VAV2: variants seen among roughly 807,000 people sequenced by gnomAD.
The protein encoded by VAV2 is vav guanine nucleotide exchange factor 2.
Under a neutral mutation model 132.5 loss-of-function variants are expected in VAV2, and 67 were observed. That is an observed-to-expected ratio of 0.51 (90% CI 0.42 to 0.62). The LOEUF (loss-of-function observed/expected upper bound fraction) is 0.62, where lower values mean the gene tolerates loss of function less well. Among genes scored for constraint, VAV2 ranks in the 20% least tolerant of loss-of-function variants. The probability of loss-of-function intolerance (pLI) is 0.00; values close to 1 mark genes in which losing one functional copy is unlikely to be tolerated. For synonymous variants in VAV2, 492 were observed against 443.5 expected (o/e 1.11, Z -1.37); for missense variants, 938 against 1,153.6 (o/e 0.81, Z 2.71).
chr9:133,806,307 C>T lies in VAV2; in HGVS notation c.736-126G>A, dbSNP rs571491101. On this transcript the variant is annotated intron_variant, in intron 8 of 29. Coordinates refer to ENST00000371850, the MANE Select transcript of VAV2 (RefSeq NM_001134398.2). ...GAGGGGAGGGGCCCGGGTGCTGGGC[C>T]TGCACCCCACATCTCTGTGCATGCC... The T allele has an allele frequency of 3.6e-5, 28 of 775,920 alleles. 1 individual carries two copies. The African/African-American group carries it at 4.7e-4, about 13-fold the overall frequency. The allele number at this position is 775,920 out of a possible 1,614,324, so 48.1% of individuals were successfully genotyped here. A position where few individuals can be genotyped will look rare whatever the true frequency, so the allele number is the denominator to read the frequency against.
chr9:133,834,578 C>T lies in VAV2; in HGVS notation c.381-238G>A, dbSNP rs1242748897. Among the ~76,000 whole-genome samples, 3 of 152,372 alleles carry T rather than the reference C, an allele frequency of 2.0e-5. No individual in the cohort carries two copies. Among genetic ancestry groups the T allele is most frequent in the Middle Eastern group, 3.4e-3 (1 of 294 alleles). On this transcript the variant is annotated intron_variant, in intron 3 of 29. Transcript: ENST00000371850. The surrounding 1 kb of genome is among the most constrained non-coding windows in gnomAD (Gnocchi z 5.9). ...TTGCCAGGGGGCAAGGAATGTGTCA[C>T]GCCCACTCCGGGCTCCGGGTGTCCA...
intron 25 of VAV2, among the ~76,000 whole-genome samples, 155 bp downstream of exon 25, chr9:133,774,780 C>T (rs1335667722): frequency 6.6e-6 from 1 of 152,190 alleles, no homozygotes; most frequent in Non-Finnish European, 1.5e-5. Context: ...CCCCCTGACC[C>T]CTCAGCACCG....
At chr9:133,990,281 C>T (rs1842975043) in intron 1 of VAV2, among the ~76,000 whole-genome samples, 1 of 152,122 alleles carries the variant, frequency 6.6e-6, no homozygotes, top group Non-Finnish European at 1.5e-5. Context: ...GACACCCGTC[C>T]ACCCCCCAGC....
chr9:133,836,163 G>A (rs747132399), intron 3 of VAV2, among the ~76,000 whole-genome samples: 1 of 152,188 alleles, frequency 6.6e-6, no homozygotes, highest in East Asian at 1.9e-4. Context: ...CACAGATCCC[G>A]CCCAGGTGAT....
chr9:133,843,099 G>A (rs780869691), intron 3 of VAV2, among the ~76,000 whole-genome samples: 1 of 152,186 alleles, frequency 6.6e-6, no homozygotes, highest in Non-Finnish European at 1.5e-5. Flanking sequence ...AGCCCAGCAG[G>A]GCTATCACAA....
At chr9:133,986,030 G>A (rs775414193) in intron 1 of VAV2, among the ~76,000 whole-genome samples, 2 of 152,140 alleles carry the variant, frequency 1.3e-5, no homozygotes, top group African/African-American at 4.8e-5. Flanking sequence ...GACAAGAGAG[G>A]AAGGAAAGGA....
At chr9:133,886,028 C>G (rs1479884776) in intron 2 of VAV2, among the ~76,000 whole-genome samples, 1 of 152,210 alleles carries the variant, frequency 6.6e-6, no homozygotes, top group Non-Finnish European at 1.5e-5. Context: ...GTCCCATCTC[C>G]GTACTGACAG....
In VAV2 at chr9:133,834,230, C is replaced by CCCTCCCTCCTCTCCATCCCT. The variant is rs1836372325; in HGVS notation, c.449+22_449+41dup. On this transcript the variant is annotated intron_variant, in intron 4 of 29. Transcript: ENST00000371850. The surrounding 1 kb of genome is among the most constrained non-coding windows in gnomAD (Gnocchi z 5.9). ...TGGACACCACCAGGAACCTCCCTGCCCCTCCCTCCTCTCCATCCCTCCTCC... is the reference window on the plus strand; with the variant it reads ...TGGACACCACCAGGAACCTCCCTGCCCCTCCCTCCTCTCCATCCCTCCTCCCTCCTCTCCATCCCTCCTCC... 1.3e-6 allele frequency: 2 copies of CCCTCCCTCCTCTCCATCCCT among 1,578,764 alleles called. No individual in the cohort carries two copies. The highest frequency in any genetic ancestry group is 4.6e-5 in the East Asian group (2 of 43,290).
At chr9:133,773,935 A>G (rs1833723940) in intron 25 of VAV2, among the ~76,000 whole-genome samples, 1 of 152,190 alleles carries the variant, frequency 6.6e-6, no homozygotes, top group Admixed American at 6.5e-5. Flanking sequence ...CACATGAGTA[A>G]TGGGCTGCGC....
At chr9:133,982,676 G>A (rs1420392716) in intron 1 of VAV2, among the ~76,000 whole-genome samples, 9 of 152,316 alleles carry the variant, frequency 5.9e-5, no homozygotes, top group African/African-American at 2.2e-4. Flanking sequence ...GCGCCGCCTG[G>A]TTTTGGAGGC....
chr9:133,939,134 AAGGGGT>A lies in VAV2; in HGVS notation c.284_289del (p.Asp95_Phe97delinsVal). ...AAAGTCTCGCACATCGAAGAGGTCA[AAGGGGT>A]CAAACAGCTCGCTGTTCCTTAATCC... On this transcript the variant is annotated inframe_deletion, in exon 2 of 30. Coordinates refer to ENST00000371850, the MANE Select transcript of VAV2 (RefSeq NM_001134398.2). 1 of 1,614,268 alleles carries A rather than the reference AAGGGGT, an allele frequency of 6.2e-7. No homozygotes were observed. The highest frequency in any genetic ancestry group is 8.5e-7 in the Non-Finnish European group (1 of 1,180,048).
chr9:133,846,674 T>A (rs1029162557), intron 3 of VAV2, among the ~76,000 whole-genome samples: 1 of 152,184 alleles, frequency 6.6e-6, no homozygotes, highest in African/African-American at 2.4e-5. Flanking sequence ...AGCCAGGGCA[T>A]GGCCTCCTCA....
intron 2 of VAV2, chr9:133,927,969 C>T (rs1373973886): frequency 6.6e-6 from 1 of 152,168 alleles, no homozygotes; most frequent in African/African-American, 2.4e-5. Context: ...ACATGAAGCA[C>T]AGTGGGCTGA....
intron 3 of VAV2, among the ~76,000 whole-genome samples, chr9:133,848,581 G>A (rs1039440932): frequency 6.6e-6 from 1 of 152,024 alleles, no homozygotes; most frequent in Non-Finnish European, 1.5e-5. Flanking sequence ...GCACCAGATG[G>A]CCGATCCCAG....
intron 26 of VAV2, among the ~76,000 whole-genome samples, chr9:133,771,727 T>C (rs1833634489): frequency 6.6e-6 from 1 of 152,184 alleles, no homozygotes; most frequent in African/African-American, 2.4e-5. Context: ...ACCCCTGCAC[T>C]GTTTACCAGG....
intron 3 of VAV2, among the ~76,000 whole-genome samples, chr9:133,842,357 C>T (rs1046448363): frequency 6.6e-6 from 1 of 152,218 alleles, no homozygotes; most frequent in Non-Finnish European, 1.5e-5. Flanking sequence ...GTGCTCCTCG[C>T]CCAGCCGGAG....
chr9:133,905,193 C>T (rs1297403313), intron 2 of VAV2, among the ~76,000 whole-genome samples: 2 of 152,090 alleles, frequency 1.3e-5, no homozygotes. Flanking sequence ...CTTCGGAAGG[C>T]CAAGGCGGGT....
intron 1 of VAV2, among the ~76,000 whole-genome samples, chr9:133,978,108 G>A (rs571500239): frequency 6.6e-6 from 1 of 152,388 alleles, no homozygotes; most frequent in African/African-American, 2.4e-5. Flanking sequence ...GGAGCGGGGA[G>A]GCACACGGTG....
At chr9:133,875,174 G>A (rs960900912) in intron 2 of VAV2, among the ~76,000 whole-genome samples, 6 of 152,192 alleles carry the variant, frequency 3.9e-5, no homozygotes, top group South Asian at 2.1e-4. Context: ...CTCAGGTCAC[G>A]TGTGTGCAAG....
Sources: gnomAD v4.1 joint callset for allele counts (sites outside exome capture counted in the v4.1 genomes callset) on GRCh38, gnomAD v4.1.1 for gene constraint, Gnocchi (gnomAD v3.1) non-coding constraint, MANE v1.5 for transcripts, NCBI Gene and HGNC (gene_info 2026-07-23, HGNC 2026-07-21) for gene names.